Variants in TTC27 observed in about 807,000 individuals in gnomAD.
The protein encoded by TTC27 is tetratricopeptide repeat domain 27.
TTC27 carries 79 observed loss-of-function variants against 115.9 expected under a neutral mutation model. The observed-to-expected ratio is 0.68, with a 90% CI of 0.57 to 0.82. The LOEUF (loss-of-function observed/expected upper bound fraction) is 0.82, where lower values mean the gene tolerates loss of function less well. Among genes scored for constraint, TTC27 ranks in the 40% least tolerant of loss-of-function variants. The probability of loss-of-function intolerance (pLI) is 0.00; values close to 1 mark genes in which losing one functional copy is unlikely to be tolerated. For synonymous variants in TTC27, 401 were observed against 356.0 expected, an observed-to-expected ratio of 1.13 and a Z score of -1.42; for missense variants, 1,054 against 993.1, an observed-to-expected ratio of 1.06 and a Z score of -0.82.
At chr2:32,744,932 C>T (rs191896198) in intron 12 of TTC27, among the ~76,000 whole-genome samples, 55 of 151,758 alleles carry the variant, frequency 3.6e-4, no homozygotes, top group Admixed American at 7.9e-4. Flanking sequence ...CCTGTAATCC[C>T]AGCTACTCAG....
At chr2:32,700,173 A>C (rs985873704) in intron 9 of TTC27, among the ~76,000 whole-genome samples, 2 of 152,182 alleles carry the variant, frequency 1.3e-5, no homozygotes, top group African/African-American at 4.8e-5. Context: ...TGTGCTTTTC[A>C]GTGGGAACTC....
intron 15 of TTC27, among the ~76,000 whole-genome samples, chr2:32,786,442 C>A (rs1486994490): frequency 6.6e-6 from 1 of 152,122 alleles, no homozygotes; most frequent in Non-Finnish European, 1.5e-5. Flanking sequence ...TGCCTGGCCA[C>A]CTTAAAATTT....
chr2:32,727,912 C>A (rs1668162186), intron 10 of TTC27, among the ~76,000 whole-genome samples: 1 of 151,958 alleles, frequency 6.6e-6, no homozygotes, highest in Non-Finnish European at 1.5e-5. Flanking sequence ...AGCTTCGAGT[C>A]CCTTAATAAT....
At chr2:32,635,974 G>A (rs547613974) in intron 3 of TTC27, among the ~76,000 whole-genome samples, 1 of 152,172 alleles carries the variant, frequency 6.6e-6, no homozygotes, top group East Asian at 1.9e-4. Flanking sequence ...ATTCTACAGA[G>A]GTTTTCATCC....
At chr2:32,803,269 C>T (rs968811739) in intron 16 of TTC27, among the ~76,000 whole-genome samples, 7 of 152,204 alleles carry the variant, frequency 4.6e-5, no homozygotes, top group African/African-American at 1.7e-4. Flanking sequence ...TCTTAGGCGC[C>T]GGCCAGGCTG....
At chr2:32,765,685 G>A (rs1425092274) in intron 13 of TTC27, among the ~76,000 whole-genome samples, 4 of 152,178 alleles carry the variant, frequency 2.6e-5, no homozygotes, top group South Asian at 2.1e-4. Flanking sequence ...TAGAAAATCT[G>A]TTTAGTGCAG....
intron 11 of TTC27, among the ~76,000 whole-genome samples, chr2:32,735,605 T>G (rs1223743624): frequency 1.3e-5 from 2 of 152,114 alleles, no homozygotes; most frequent in Non-Finnish European, 2.9e-5. Context: ...TGTATTATTT[T>G]AAAGATTGAG....
At chr2:32,656,876 T>C (rs1665341567) in intron 5 of TTC27, among the ~76,000 whole-genome samples, 1 of 152,216 alleles carries the variant, frequency 6.6e-6, no homozygotes, top group African/African-American at 2.4e-5. Context: ...TATTGAATCA[T>C]TCAATAATGA....
Position 32,653,408 on chromosome 2 carries a change from A to C in TTC27, c.640+3175A>C, listed in dbSNP as rs138983467. Reference sequence around the variant, plus strand: ...CAAGAGTTCAAGACCAGCCTGGCCAACATGGTGAAACCCTGTCTCTACTAA... The same window carrying C: ...CAAGAGTTCAAGACCAGCCTGGCCACCATGGTGAAACCCTGTCTCTACTAA... On this transcript the variant is annotated intron_variant, in intron 5 of 19. Transcript: ENST00000317907. Among the ~76,000 whole-genome samples, 753 of 152,264 alleles carry C rather than the reference A, an allele frequency of 4.9e-3. 11 individuals are homozygous for C. The highest frequency in any genetic ancestry group is 0.028 in the Admixed American group (434 of 15,272).
chr2:32,751,585 C>A (rs1354538847), intron 12 of TTC27, among the ~76,000 whole-genome samples: 7 of 152,138 alleles, frequency 4.6e-5, no homozygotes, highest in Non-Finnish European at 7.4e-5. Flanking sequence ...GATGGACAGA[C>A]TTTCATTAAC....
chr2:32,643,481 T>C (rs866761827), intron 4 of TTC27, among the ~76,000 whole-genome samples: 1 of 151,934 alleles, frequency 6.6e-6, no homozygotes, highest in East Asian at 2.0e-4. Flanking sequence ...AATTTTTTTG[T>C]ACTTTTAGTA....
chr2:32,703,190 T>G (rs562978035), intron 10 of TTC27, among the ~76,000 whole-genome samples: 2 of 152,288 alleles, frequency 1.3e-5, no homozygotes, highest in South Asian at 4.2e-4. Flanking sequence ...GCACTTAGGC[T>G]GGGCGCGGTG....
intron 8 of TTC27, among the ~76,000 whole-genome samples, chr2:32,678,552 C>T (rs895822025): frequency 9.2e-5 from 14 of 151,964 alleles, no homozygotes; most frequent in African/African-American, 3.4e-4. Flanking sequence ...CTCAGCCTCC[C>T]GAGTAGCTGG....
intron 5 of TTC27, among the ~76,000 whole-genome samples, chr2:32,654,721 A>T (rs1390151461): frequency 2.8e-5 from 4 of 145,046 alleles, no homozygotes; most frequent in African/African-American, 1.0e-4. Flanking sequence ...TTTGAGATGG[A>T]GTCTCGCTCT....
At chr2:32,736,382 T>C (rs1438063912) in intron 11 of TTC27, among the ~76,000 whole-genome samples, 1 of 152,222 alleles carries the variant, frequency 6.6e-6, no homozygotes, top group East Asian at 1.9e-4. Flanking sequence ...GAGATTGTTA[T>C]ATACAGAGTG....
chr2:32,734,980 C>T (rs942246778), intron 11 of TTC27, among the ~76,000 whole-genome samples: 1 of 152,144 alleles, frequency 6.6e-6, no homozygotes, highest in African/African-American at 2.4e-5. Flanking sequence ...CAGATGGAGC[C>T]AGCCAGGGGA....
At chr2:32,641,346 A>C (rs900065784) in intron 4 of TTC27, among the ~76,000 whole-genome samples, 1 of 152,258 alleles carries the variant, frequency 6.6e-6, no homozygotes, top group Non-Finnish European at 1.5e-5. Context: ...GAGCAGCTGT[A>C]GACAATGTTT....
chr2:32,668,300 G>A (rs1665866927), intron 7 of TTC27, among the ~76,000 whole-genome samples: 1 of 151,670 alleles, frequency 6.6e-6, no homozygotes, highest in Non-Finnish European at 1.5e-5. Context: ...AACCCAGGAG[G>A]TGGAGGCTAC....
At chr2:32,748,305 A>T (rs1466989846) in intron 12 of TTC27, among the ~76,000 whole-genome samples, 2 of 152,152 alleles carry the variant, frequency 1.3e-5, no homozygotes, top group Non-Finnish European at 2.9e-5. Context: ...CATACTTTCT[A>T]TGACTTCAGT....
Sources: gnomAD v4.1 joint callset for allele counts (sites outside exome capture counted in the v4.1 genomes callset) on GRCh38, gnomAD v4.1.1 for gene constraint, MANE v1.5 for transcripts, NCBI Gene and HGNC (gene_info 2026-07-23, HGNC 2026-07-21) for gene names.